The following P2RX3 variants were observed in gnomAD, a reference collection of about 807,000 sequenced individuals.
P2RX3 encodes the protein purinergic receptor P2X 3.
Under a neutral mutation model 51.5 loss-of-function variants are expected in P2RX3, and 41 were observed. The observed-to-expected ratio is 0.80, with a 90% CI of 0.62 to 1.03. The LOEUF (loss-of-function observed/expected upper bound fraction) is 1.03. Ranked by LOEUF, P2RX3 falls within the 50% of genes least tolerant of loss-of-function variation. The pLI is 0.00. For synonymous variants in P2RX3, 185 were observed against 191.6 expected (o/e 0.97, Z 0.29); for missense variants, 459 against 522.1 (o/e 0.88, Z 1.18).
At chr11:57,349,330 G>C (rs895012831) in intron 6 of P2RX3, among the ~76,000 whole-genome samples, 4 of 151,334 alleles carry the variant, frequency 2.6e-5, no homozygotes, top group Admixed American at 2.6e-4. Context: ...GCCAGGCGCC[G>C]TGGCACACCC....
chr11:57,348,083 C>G, intron 4 of P2RX3, 87 bp from the exon 5 acceptor site: 1 of 1,211,950 alleles, frequency 8.3e-7, no homozygotes, highest in Non-Finnish European at 1.1e-6. Context: ...TGCCAGGGTC[C>G]CTGATGGGGG....
rs930722293 is a variant in P2RX3, at chr11:57,338,400, G to T, written c.-151G>T. ...AAGAGCAGAGAATCTCACTAGGATT[G>T]CATGGCTTAAAGGGACAGGCTCCCC... On this transcript the variant is annotated 5_prime_UTR_variant, in exon 1 of 12. Coordinates refer to ENST00000263314, the MANE Select transcript of P2RX3 (RefSeq NM_002559.5). 5.7e-6 allele frequency: 3 copies of T among 528,650 alleles called. No homozygotes were observed. Among genetic ancestry groups the T allele is most frequent in the Admixed American group, 2.5e-5 (1 of 40,504 alleles). The allele number at this position is 528,650 out of a possible 1,614,324, so 32.7% of individuals were successfully genotyped here.
At chr11:57,355,556 G>A (rs1261858724) in intron 8 of P2RX3, among the ~76,000 whole-genome samples, 3 of 152,042 alleles carry the variant, frequency 2.0e-5, no homozygotes, top group African/African-American at 7.2e-5. Context: ...GGCCAGGCTG[G>A]TCTCGAACTC....
chr11:57,355,888 G>A (rs1481027017), intron 8 of P2RX3, among the ~76,000 whole-genome samples: 3 of 152,204 alleles, frequency 2.0e-5, no homozygotes, highest in Non-Finnish European at 4.4e-5. Flanking sequence ...CCCGTAGCCA[G>A]GTGTGGAAGC....
At chr11:57,339,252 G>T (rs550253624) in intron 1 of P2RX3, among the ~76,000 whole-genome samples, 1 of 152,234 alleles carries the variant, frequency 6.6e-6, no homozygotes, top group Non-Finnish European at 1.5e-5. Context: ...GAAGCCCTCT[G>T]CTCTTGAAGG....
rs1034020283 is a variant in P2RX3 at position 57,351,906 on chromosome 11, A to G, written c.842+1008A>G. Among the ~76,000 whole-genome samples, 6 of 152,370 alleles carry G rather than the reference A, an allele frequency of 3.9e-5. No homozygotes were observed. In the East Asian group the frequency reaches 9.6e-4, roughly 24 times the overall value. The stretch of plus-strand genomic sequence containing the variant: ...ATGGGATACAATGTGATGTTTTGAT[A>G]CATGTATACATTGTGGATTTCCCCC... On this transcript the variant is annotated intron_variant, in intron 8 of 11. Coordinates refer to ENST00000263314, the MANE Select transcript of P2RX3 (RefSeq NM_002559.5).
At chr11:57,355,497 C>T (rs901649601) in intron 8 of P2RX3, among the ~76,000 whole-genome samples, 6 of 151,984 alleles carry the variant, frequency 3.9e-5, no homozygotes, top group African/African-American at 1.2e-4. Context: ...CCCGCCACCA[C>T]GCCCAGCTAA....
chr11:57,354,481 C>T (rs774886891), intron 8 of P2RX3, among the ~76,000 whole-genome samples: 1 of 152,164 alleles, frequency 6.6e-6, no homozygotes. Flanking sequence ...TTCAGTGCTG[C>T]ACAAGTGAAA....
rs774981504 is a variant in P2RX3, at chr11:57,368,077, G to A, written c.911G>A (p.Arg304His). Residue 304 changes from arginine to histidine, a missense_variant, in exon 9 of 12, where the codon CGC (arginine) becomes CAC (histidine). Transcript: ENST00000263314. ...ACCCTCCTGAAGGCTTTTGGCATCC[G>A]CTTCGACGTGCTGGTATACGGGAAT... ...YRTLLKAFGI[R>H]FDVLVYGNAG... 28 of 1,614,016 alleles carry A rather than the reference G, an allele frequency of 1.7e-5. No homozygotes were observed. The highest frequency in any genetic ancestry group is 1.6e-4 in the Middle Eastern group (1 of 6,084).
At chr11:57,336,075 C>T (rs867205813), upstream of P2RX3, among the ~76,000 whole-genome samples, 2 of 152,116 alleles carry the variant, frequency 1.3e-5, no homozygotes, top group African/African-American at 2.4e-5. Context: ...TCAGTCGAGA[C>T]TAGATACTAA....
At chr11:57,347,068 C>G in intron 2 of P2RX3, 48 bp from the exon 3 acceptor site, 1 of 1,535,508 alleles carries the variant, frequency 6.5e-7, no homozygotes. Flanking sequence ...CCCTGTCTCA[C>G]TGATTGGGAC....
At chr11:57,339,166 A>G (rs1385365151) in intron 1 of P2RX3, among the ~76,000 whole-genome samples, 1 of 152,120 alleles carries the variant, frequency 6.6e-6, no homozygotes, top group East Asian at 1.9e-4. Context: ...GAAAGAGAGA[A>G]CTGGATCTGT....
At chr11:57,343,437 C>T (rs1856377500) in intron 1 of P2RX3, among the ~76,000 whole-genome samples, 1 of 152,214 alleles carries the variant, frequency 6.6e-6, no homozygotes, top group Non-Finnish European at 1.5e-5. Context: ...CAGCTAGAGA[C>T]CTTCGAGTGA....
chr11:57,372,324 G>C lies in P2RX3; in HGVS notation c.*2327G>C, dbSNP rs1224002536. ...GGCAATGGACCAAATGAGTGACAGG[G>C]ATTGTCTAACTCAACCCCCACTTTA... is the stretch of plus-strand genomic sequence containing the variant. On this transcript the variant is annotated 3_prime_UTR_variant, in exon 12 of 12. Transcript: ENST00000263314. 6.6e-6 allele frequency among the ~76,000 whole-genome samples: 1 copy of C among 152,164 alleles called. No individual in the cohort carries two copies. Among genetic ancestry groups the C allele is most frequent in the Non-Finnish European group, 1.5e-5 (1 of 68,040 alleles).
chr11:57,364,214 A>G (rs1856763874), intron 8 of P2RX3, among the ~76,000 whole-genome samples: 1 of 152,212 alleles, frequency 6.6e-6, no homozygotes, highest in Non-Finnish European at 1.5e-5. Context: ...GAGGAACCAC[A>G]TCTCTGAGAC....
At chr11:57,360,795 CA>C (rs779582766) in intron 8 of P2RX3, among the ~76,000 whole-genome samples, 34 of 113,678 alleles carry the variant, frequency 3.0e-4, no homozygotes, top group Middle Eastern at 9.3e-3. Flanking sequence ...GACTCTGTCT[CA>C]AAAAAAAAAA....
chr11:57,360,211 A>G (rs1232229062), intron 8 of P2RX3, among the ~76,000 whole-genome samples: 1 of 152,166 alleles, frequency 6.6e-6, no homozygotes, highest in Non-Finnish European at 1.5e-5. Context: ...CATTGCCCCT[A>G]TCGAGAGGCT....
At chr11:57,337,561 TCACAA>T (rs1180392820), upstream of P2RX3, among the ~76,000 whole-genome samples, 2 of 152,066 alleles carry the variant, frequency 1.3e-5, no homozygotes, top group Non-Finnish European at 2.9e-5. Context: ...GAGCAAATTA[TCACAA>T]GGACAGAAAA....
At position 57,347,417 on chromosome 11, in the gene P2RX3, TGAG is replaced by T. The variant is rs1458634841; in HGVS notation, c.334_336del (p.Glu112del). ...ACCTGTGACCCGTCTGCCCACAGAG[TGAG>T]GAGAAATACCGCTGTGTATCAGACA... On this transcript the variant is annotated inframe_deletion, in exon 4 of 12. Coordinates refer to ENST00000263314, the MANE Select transcript of P2RX3 (RefSeq NM_002559.5). 6 of 1,558,116 alleles carry T rather than the reference TGAG, an allele frequency of 3.9e-6. No individual in the cohort carries two copies. In the South Asian group the frequency reaches 5.9e-5, roughly 15 times the overall value.
Sources: gnomAD v4.1 joint callset for allele counts (sites outside exome capture counted in the v4.1 genomes callset) on GRCh38, gnomAD v4.1.1 for gene constraint, MANE v1.5 for transcripts, NCBI Gene and HGNC (gene_info 2026-07-23, HGNC 2026-07-21) for gene names.